Variants in XPO4 observed in about 807,000 individuals in gnomAD.
XPO4 encodes the protein exportin-4.
In XPO4, 39 loss-of-function variants were observed where a neutral mutation model predicts 143.0. That is an observed-to-expected ratio of 0.27 (90% CI 0.21 to 0.36). The LOEUF (loss-of-function observed/expected upper bound fraction) is 0.36, where lower values mean the gene tolerates loss of function less well. XPO4 is among the 10% of genes least tolerant of loss of function. The pLI is 1.00. For missense variants in XPO4, 907 were observed against 1,348.0 expected, an observed-to-expected ratio of 0.67 and a Z score of 5.12; for synonymous variants, 439 against 474.0, an observed-to-expected ratio of 0.93 and a Z score of 0.96.
chr13:20,870,420 A>G (rs1363736227), intron 1 of XPO4, among the ~76,000 whole-genome samples: 1 of 149,728 alleles, frequency 6.7e-6, no homozygotes, highest in Non-Finnish European at 1.5e-5. Context: ...CAACAAAGCC[A>G]GACTCCATCT....
Position 20,861,777 on chromosome 13 carries a change from C to CT in XPO4, c.317+939dup, listed in dbSNP as rs71200306. Among the ~76,000 whole-genome samples the CT allele has an allele frequency of 9.7e-3, 716 of 73,440 alleles. 99 individuals carry two copies. The highest frequency in any genetic ancestry group is 0.012 in the Admixed American group (56 of 4,714). The allele number at this position is 73,440 out of a possible 152,430, so 48.2% of individuals were successfully genotyped here. On this transcript the variant is annotated intron_variant, in intron 3 of 22. Transcript: ENST00000255305. ...TTAATAGAACCTTGCACATTTCTCT[C>CT]TTTTTTTTTTTTTTTTTTTTTTTTT...
intron 6 of XPO4, among the ~76,000 whole-genome samples, chr13:20,829,005 A>G (rs1198900639): frequency 6.6e-6 from 1 of 152,214 alleles, no homozygotes; most frequent in Non-Finnish European, 1.5e-5. Flanking sequence ...TCTCTCCACT[A>G]TTGTGTATCT....
intron 4 of XPO4, among the ~76,000 whole-genome samples, chr13:20,854,336 G>T (rs1235857055): frequency 1.3e-5 from 2 of 152,104 alleles, no homozygotes; most frequent in Non-Finnish European, 2.9e-5. Context: ...GGACAGGAAG[G>T]CAGAAGAGAA....
intron 17 of XPO4, among the ~76,000 whole-genome samples, chr13:20,796,470 T>G (rs2059359680): frequency 6.6e-6 from 1 of 152,014 alleles, no homozygotes; most frequent in Non-Finnish European, 1.5e-5. Flanking sequence ...GGACAAGAAT[T>G]TATATTCAGG....
At chr13:20,805,176 C>T (rs760372169) in intron 13 of XPO4, among the ~76,000 whole-genome samples, 3 of 152,080 alleles carry the variant, frequency 2.0e-5, no homozygotes, top group Admixed American at 6.6e-5. Context: ...AACTTCTGAG[C>T]TAAGGCAATC....
At chr13:20,889,828 G>T (rs1487658499) in intron 1 of XPO4, among the ~76,000 whole-genome samples, 1 of 152,030 alleles carries the variant, frequency 6.6e-6, no homozygotes, top group East Asian at 1.9e-4. Context: ...GTTCGTAAGT[G>T]GGCAAATGCT....
chr13:20,788,508 A>T lies in XPO4; in HGVS notation c.3025T>A (p.Ser1009Thr). The T allele has an allele frequency of 6.2e-7, 1 of 1,612,846 alleles. No homozygotes were observed. Among genetic ancestry groups the T allele is most frequent in the Non-Finnish European group, 8.5e-7 (1 of 1,179,482 alleles). ...TATGATGTCATTCCTAATTCTAGGGAGTACATCAGACTTTTAAACAGATCC... is the reference window on the plus strand; with the variant it reads ...TATGATGTCATTCCTAATTCTAGGGTGTACATCAGACTTTTAAACAGATCC... ...PEDLFKSLMY[S>T]LELGMTSMSS... The change falls in exon 20 of 23, where the codon TCC (serine) becomes ACC (threonine). Residue 1009 changes from serine to threonine, a missense_variant. Transcript: ENST00000255305.
intron 2 of XPO4, among the ~76,000 whole-genome samples, chr13:20,865,040 T>G (rs1428649540): frequency 2.0e-5 from 3 of 152,156 alleles, no homozygotes; most frequent in Non-Finnish European, 2.9e-5. Flanking sequence ...CAGTATGAAA[T>G]TAGAACTTCA....
At chr13:20,796,038 T>C (rs374222767) in intron 18 of XPO4, 38 bp downstream of exon 18, 148 of 1,554,146 alleles carry the variant, frequency 9.5e-5, no homozygotes, top group Non-Finnish European at 1.3e-4. Flanking sequence ...AAAAGGAGGA[T>C]AACAACAAAG....
intron 4 of XPO4, chr13:20,852,539 G>A: frequency 1.0e-6 from 1 of 985,156 alleles, no homozygotes; most frequent in Non-Finnish European, 1.2e-6. Context: ...TGTAGACACT[G>A]CTGAAGCATC....
At chr13:20,851,516 T>C (rs1432843488) in intron 4 of XPO4, 4 of 801,380 alleles carry the variant, frequency 5.0e-6, no homozygotes, top group Non-Finnish European at 6.0e-6. Flanking sequence ...TGAGACCAGC[T>C]TGGGCAACAT....
At chr13:20,873,311 C>T (rs1178460160) in intron 1 of XPO4, among the ~76,000 whole-genome samples, 2 of 152,096 alleles carry the variant, frequency 1.3e-5, no homozygotes, top group East Asian at 3.9e-4. Flanking sequence ...AGATTACTTA[C>T]TAATGAATAG....
chr13:20,807,486 T>C lies in XPO4; in HGVS notation c.1788A>G (p.Pro596=). 1 of 1,613,702 alleles carries C rather than the reference T, an allele frequency of 6.2e-7. No individual in the cohort carries two copies. The highest frequency in any genetic ancestry group is 8.5e-7 in the Non-Finnish European group (1 of 1,179,834). Residue 596 remains proline (P), a synonymous_variant, in exon 13 of 23, where the codon CCA becomes CCG. Transcript: ENST00000255305. ...TCACAGAATCTGTTCTGTTGTACCC[T>C]GGGATGGAAGAAGCCTTTTCTCCTG... is the stretch of plus-strand genomic sequence containing the variant. ...GSPGEKASSI[P]GYNRTDSVIR...
chr13:20,870,645 G>A (rs565078483), intron 1 of XPO4, among the ~76,000 whole-genome samples: 12 of 151,208 alleles, frequency 7.9e-5, no homozygotes, highest in Middle Eastern at 3.5e-3. Flanking sequence ...CAAGAAAATC[G>A]CTTGAACGCA....
intron 1 of XPO4, among the ~76,000 whole-genome samples, chr13:20,886,174 C>T (rs2060459965): frequency 6.6e-6 from 1 of 152,116 alleles, no homozygotes; most frequent in African/African-American, 2.4e-5. Context: ...GACTGTAAGG[C>T]ATATCCAAAC....
chr13:20,830,688 T>C (rs557035226), intron 6 of XPO4, among the ~76,000 whole-genome samples: 21 of 152,168 alleles, frequency 1.4e-4, no homozygotes, highest in Non-Finnish European at 2.5e-4. Context: ...TGGAACAGCA[T>C]CATAATGTTT....
In XPO4 at chr13:20,887,089, T is replaced by A. The variant is rs1335150273; in HGVS notation, c.69+15581A>T. 2.6e-5 allele frequency among the ~76,000 whole-genome samples: 4 copies of A among 151,808 alleles called. No individual in the cohort carries two copies. The South Asian group carries it at 8.3e-4, about 32-fold the overall frequency. On this transcript the variant is annotated intron_variant, in intron 1 of 22. Coordinates refer to ENST00000255305, the MANE Select transcript of XPO4 (RefSeq NM_022459.5). ...CCGTCTCAAAAAAAAAATAAATAAA[T>A]AAAAGGATAGCAAACAAATTTATTG...
At chr13:20,836,325 C>T (rs150454797) in intron 6 of XPO4, among the ~76,000 whole-genome samples, 98 of 133,094 alleles carry the variant, frequency 7.4e-4, no homozygotes, top group African/African-American at 2.7e-3. Context: ...TACATCTTAC[C>T]TATCGGTAAC....
intron 6 of XPO4, among the ~76,000 whole-genome samples, chr13:20,835,276 C>G (rs1412028728): frequency 6.6e-6 from 1 of 152,140 alleles, no homozygotes; most frequent in African/African-American, 2.4e-5. Context: ...TTCACAAGGG[C>G]TTTACATATA....
Sources: allele counts gnomAD v4.1 joint callset (sites outside exome capture counted in the v4.1 genomes callset), GRCh38; gene constraint gnomAD v4.1.1; transcripts MANE v1.5; gene names NCBI Gene and HGNC (gene_info 2026-07-23, HGNC 2026-07-21).